The following SLX4IP variants were observed in gnomAD, a reference collection of about 807,000 sequenced individuals.
SLX4IP encodes protein SLX4IP.
SLX4IP carries 34 observed loss-of-function variants against 32.9 expected under a neutral mutation model. That is an observed-to-expected ratio of 1.03 (90% confidence interval 0.79 to 1.38). The LOEUF is 1.38. Among genes scored for constraint, SLX4IP ranks in the 40% most tolerant of loss-of-function variants. The pLI is 0.00. For missense variants in SLX4IP, 444 were observed against 479.0 expected, an observed-to-expected ratio of 0.93 and a Z score of 0.68; for synonymous variants, 172 against 171.7, an observed-to-expected ratio of 1.00 and a Z score of -0.01.
rs1466962918 is a variant in SLX4IP, at chr20:10,625,954, A to G, written c.*2575A>G. On this transcript the variant is annotated 3_prime_UTR_variant, in exon 8 of 8. Transcript: ENST00000334534. The stretch of plus-strand genomic sequence containing the variant: ...CAGGGGTTTTTTGTTGTTGTTGCTT[A>G]TTAGGTAGGATATGAAGAGTTCTCA... 6.7e-6 allele frequency: 1 copy of G among 148,438 alleles called. No homozygotes were observed. Among genetic ancestry groups the G allele is most frequent in the Admixed American group, 6.7e-5 (1 of 14,962 alleles). 9.2% of individuals were successfully genotyped at this position (148,438 alleles called of 1,614,324 possible). A position where few individuals can be genotyped will look rare whatever the true frequency, so the allele number is the denominator to read the frequency against.
chr20:10,570,509 A>G (rs1029789043), intron 4 of SLX4IP, among the ~76,000 whole-genome samples: 1 of 152,056 alleles, frequency 6.6e-6, no homozygotes, highest in Non-Finnish European at 1.5e-5. Flanking sequence ...GCTCCTATGT[A>G]TCACACACAT....
intron 2 of SLX4IP, among the ~76,000 whole-genome samples, chr20:10,480,914 C>A (rs1329672117): frequency 6.6e-6 from 1 of 152,144 alleles, no homozygotes; most frequent in Non-Finnish European, 1.5e-5. Context: ...ATTTTCACCA[C>A]TATTATCTGA....
chr20:10,437,019 T>C (rs1313047638), intron 1 of SLX4IP, among the ~76,000 whole-genome samples: 1 of 152,140 alleles, frequency 6.6e-6, no homozygotes, highest in East Asian at 1.9e-4. Context: ...CTCAAAAGTT[T>C]GCATGTGGAC....
intron 4 of SLX4IP, among the ~76,000 whole-genome samples, chr20:10,572,327 G>T (rs1027075017): frequency 3.3e-5 from 5 of 152,088 alleles, no homozygotes; most frequent in Non-Finnish European, 5.9e-5. Flanking sequence ...TGTTTATGTG[G>T]TTTTTTTAAA....
At chr20:10,621,939 C>G (rs1460024625) in intron 7 of SLX4IP, among the ~76,000 whole-genome samples, 1 of 152,152 alleles carries the variant, frequency 6.6e-6, no homozygotes, top group African/African-American at 2.4e-5. Context: ...TCTAATTCTC[C>G]CTGTGCAGCT....
At chr20:10,597,539 C>G (rs1429169405) in intron 4 of SLX4IP, among the ~76,000 whole-genome samples, 2 of 152,226 alleles carry the variant, frequency 1.3e-5, no homozygotes, top group African/African-American at 4.8e-5. Context: ...TCTTCTGGAT[C>G]AGGCTTCTTT....
intron 2 of SLX4IP, among the ~76,000 whole-genome samples, chr20:10,539,424 C>T (rs934646516): frequency 6.6e-6 from 1 of 151,878 alleles, no homozygotes; most frequent in Non-Finnish European, 1.5e-5. Flanking sequence ...TGTAGGGAAT[C>T]CTGTCTAAAT....
intron 2 of SLX4IP, among the ~76,000 whole-genome samples, chr20:10,464,180 G>A (rs1740314108): frequency 1.3e-5 from 2 of 151,896 alleles, no homozygotes. Flanking sequence ...AGGCCATTTT[G>A]TTTTTTTGTT....
At chr20:10,601,909 C>T (rs1260213733) in intron 6 of SLX4IP, 90 bp downstream of exon 6, 1 of 1,168,894 alleles carries the variant, frequency 8.6e-7, no homozygotes, top group Admixed American at 1.9e-5. Flanking sequence ...CTGCTGTTGT[C>T]ATTCAGCTGA....
intron 2 of SLX4IP, among the ~76,000 whole-genome samples, chr20:10,539,898 G>T (rs2122476588): frequency 6.6e-6 from 1 of 152,198 alleles, no homozygotes; most frequent in Non-Finnish European, 1.5e-5. Flanking sequence ...GTGCTGCCAG[G>T]GTTGCAAACC....
At chr20:10,505,150 TG>T (rs963200540) in intron 2 of SLX4IP, among the ~76,000 whole-genome samples, 1 of 152,212 alleles carries the variant, frequency 6.6e-6, no homozygotes, top group African/African-American at 2.4e-5. Context: ...CTATTAAAAA[TG>T]TGAGAACAAG....
intron 4 of SLX4IP, among the ~76,000 whole-genome samples, chr20:10,574,952 C>T (rs938532391): frequency 7.2e-5 from 11 of 152,070 alleles, no homozygotes; most frequent in Non-Finnish European, 1.0e-4. Flanking sequence ...GGATTACAGA[C>T]GTGAGCCACC....
intron 3 of SLX4IP, among the ~76,000 whole-genome samples, chr20:10,560,153 T>C (rs1331038232): frequency 6.6e-6 from 1 of 152,150 alleles, no homozygotes; most frequent in African/African-American, 2.4e-5. Context: ...CCTAAAACCA[T>C]GGGGGGCTGC....
chr20:10,535,169 T>TG (rs2066028473), intron 2 of SLX4IP, among the ~76,000 whole-genome samples: 1 of 152,074 alleles, frequency 6.6e-6, no homozygotes, highest in East Asian at 1.9e-4. Flanking sequence ...GAGCAGGTGA[T>TG]GGCTTGGCCT....
intron 2 of SLX4IP, among the ~76,000 whole-genome samples, chr20:10,544,031 T>C (rs1211681682): frequency 2.0e-5 from 3 of 152,186 alleles, no homozygotes; most frequent in Non-Finnish European, 4.4e-5. Context: ...TTTCTGTCTC[T>C]CTAGGTCCTC....
At position 10,622,771 on chromosome 20, in the gene SLX4IP, G is replaced by C. The variant is rs1479295904; in HGVS notation, c.619G>C (p.Asp207His). The C allele has an allele frequency of 1.2e-6, 2 of 1,614,204 alleles. No individual in the cohort carries two copies. Among genetic ancestry groups the C allele is most frequent in the East Asian group, 2.2e-5 (1 of 44,882 alleles). The change falls in exon 8 of 8, where the codon GAT becomes CAT. Residue 207 changes from aspartate to histidine, a missense_variant. Asp to His is a moderately conservative substitution (Grantham distance 81). Transcript: ENST00000334534. ...VIAEIARRRN[D>H]GQASSSPPSE... ...TGCAGAGATAGCAAGGAGGAGGAAT[G>C]ATGGTCAGGCTTCCTCCAGTCCCCC...
chr20:10,582,908 A>G (rs916327974), intron 4 of SLX4IP, among the ~76,000 whole-genome samples: 6 of 152,164 alleles, frequency 3.9e-5, no homozygotes, highest in African/African-American at 1.4e-4. Flanking sequence ...AAGAGGGTCT[A>G]TATTAATATA....
intron 2 of SLX4IP, among the ~76,000 whole-genome samples, chr20:10,536,175 T>C (rs2066042158): frequency 6.6e-6 from 1 of 152,180 alleles, no homozygotes; most frequent in African/African-American, 2.4e-5. Flanking sequence ...CCTTCTTGTT[T>C]TTTGGAATGT....
intron 4 of SLX4IP, among the ~76,000 whole-genome samples, chr20:10,589,646 A>G (rs111882951): frequency 0.025 from 3,733 of 152,312 alleles, 93 homozygotes; most frequent in Admixed American, 0.086. Flanking sequence ...TTTGGGAAAG[A>G]ATAAAAACGG....
Sources: allele counts gnomAD v4.1 joint callset (sites outside exome capture counted in the v4.1 genomes callset), GRCh38; gene constraint gnomAD v4.1.1; transcripts MANE v1.5; gene names NCBI Gene and HGNC (gene_info 2026-07-23, HGNC 2026-07-21).